CD244: variants seen among roughly 807,000 people sequenced by gnomAD.
CD244 encodes natural killer cell receptor 2B4.
A neutral mutation model predicts 45.5 loss-of-function variants in CD244; 20 were observed. That is an observed-to-expected ratio of 0.44 (90% CI 0.31 to 0.64). The LOEUF is 0.64. CD244 is among the 30% of genes least tolerant of loss of function. The pLI is 0.08. For synonymous variants in CD244, 185 were observed against 160.5 expected (o/e 1.15, Z -1.15); for missense variants, 407 against 426.9 (o/e 0.95, Z 0.41).
At chr1:160,861,595 G>A (rs188095320) in intron 1 of CD244, among the ~76,000 whole-genome samples, 28 of 152,218 alleles carry the variant, frequency 1.8e-4, no homozygotes, top group African/African-American at 6.5e-4. Flanking sequence ...CTTTGGATGG[G>A]GGAGACCAAG....
intron 1 of CD244, among the ~76,000 whole-genome samples, chr1:160,848,876 G>A (rs531904012): frequency 6.6e-6 from 1 of 152,014 alleles, no homozygotes; most frequent in Non-Finnish European, 1.5e-5. Context: ...TAATAGACCA[G>A]CAAACATAAA....
At chr1:160,842,232 G>A (rs771010750) in intron 1 of CD244, among the ~76,000 whole-genome samples, 1 of 152,002 alleles carries the variant, frequency 6.6e-6, no homozygotes, top group Non-Finnish European at 1.5e-5. Flanking sequence ...AGTCAGTTTG[G>A]TGTTATGTTT....
At chr1:160,858,432 G>A (rs1252183626) in intron 1 of CD244, among the ~76,000 whole-genome samples, 1 of 152,088 alleles carries the variant, frequency 6.6e-6, no homozygotes, top group Non-Finnish European at 1.5e-5. Flanking sequence ...TCTCAACTCA[G>A]GCTGTAAAGC....
At position 160,831,374 on chromosome 1, in the gene CD244, C is replaced by T. The variant is rs765273670; in HGVS notation, c.1071G>A (p.Glu357=). 3 of 1,614,080 alleles carry T rather than the reference C, an allele frequency of 1.9e-6. No homozygotes were observed. Among genetic ancestry groups the T allele is most frequent in the South Asian group, 1.1e-5 (1 of 91,076 alleles). Reference sequence around the variant, plus strand: ...AGGAATAAACATCAAAGTTCTCCAGCTCTTTGCGGCTCAATCGAGCAGGGT... The same window carrying T: ...AGGAATAAACATCAAAGTTCTCCAGTTCTTTGCGGCTCAATCGAGCAGGGT... The part of the protein sequence containing the change: ...AQNPARLSRK[E]LENFDVYS The change falls in exon 9 of 9, where the codon GAG becomes GAA. Residue 357 remains glutamate (E), a synonymous_variant. Coordinates refer to ENST00000368034, the MANE Select transcript of CD244 (RefSeq NM_016382.4).
At chr1:160,849,283 C>CTT (rs371170555) in intron 1 of CD244, among the ~76,000 whole-genome samples, 18 of 139,322 alleles carry the variant, frequency 1.3e-4, no homozygotes, top group African/African-American at 2.6e-4. Flanking sequence ...CCATCTCTTT[C>CTT]TTTTTTTTTT....
chr1:160,844,593 G>C (rs1158638346), intron 1 of CD244, among the ~76,000 whole-genome samples: 2 of 152,214 alleles, frequency 1.3e-5, no homozygotes, highest in Admixed American at 6.5e-5. Flanking sequence ...TCATCTGGCT[G>C]ACCTGTGAAC....
In CD244 at chr1:160,862,621, G is replaced by T; in HGVS notation, c.57C>A (p.Gly19=). ...ILLLLLKVYQ[G]KGCQGSADHV... Reference sequence around the variant, plus strand: ...CGCCAGGTAGGACCTCCTTACCTTTGCCCTGATACACCTTGAGGAGCAGGA... The same window carrying T: ...CGCCAGGTAGGACCTCCTTACCTTTTCCCTGATACACCTTGAGGAGCAGGA... Residue 19 remains glycine (G), a synonymous_variant, in exon 1 of 9, where the codon GGC becomes GGA. Coordinates refer to ENST00000368034, the MANE Select transcript of CD244 (RefSeq NM_016382.4). 2 of 1,613,860 alleles carry T rather than the reference G, an allele frequency of 1.2e-6. No individual in the cohort carries two copies. Among genetic ancestry groups the T allele is most frequent in the Non-Finnish European group, 1.7e-6 (2 of 1,179,836 alleles).
At chr1:160,861,583 C>A (rs1465181125) in intron 1 of CD244, among the ~76,000 whole-genome samples, 1 of 152,172 alleles carries the variant, frequency 6.6e-6, no homozygotes, top group African/African-American at 2.4e-5. Context: ...GTAATCCCAG[C>A]ACTTTGGATG....
Position 160,832,537 on chromosome 1 carries a change from A to G in CD244, c.999T>C (p.Asn333=), listed in dbSNP as rs766372037. 1.2e-5 allele frequency: 20 copies of G among 1,607,958 alleles called. No individual in the cohort carries two copies. The highest frequency in any genetic ancestry group is 1.6e-5 in the Non-Finnish European group (19 of 1,175,782). ...SRKRNHSPSF[N]STIYEVIGKS... ...ATCTTACCACTTCATAGATAGTGCT[A>G]TTGAAGGAAGGGCTGTGGTTCCTCT... Residue 333 remains asparagine (N), a synonymous_variant, in exon 8 of 9, where the codon AAT becomes AAC. Coordinates refer to ENST00000368034, the MANE Select transcript of CD244 (RefSeq NM_016382.4).
At chr1:160,845,259 A>T (rs1669690958) in intron 1 of CD244, among the ~76,000 whole-genome samples, 1 of 152,188 alleles carries the variant, frequency 6.6e-6, no homozygotes, top group African/African-American at 2.4e-5. Flanking sequence ...AAACAAACTC[A>T]ATTGAAAGGT....
intron 1 of CD244, among the ~76,000 whole-genome samples, chr1:160,845,506 A>G (rs2101878826): frequency 6.6e-6 from 1 of 152,330 alleles, no homozygotes; most frequent in Non-Finnish European, 1.5e-5. Flanking sequence ...CCCAAAACTG[A>G]CAAAAGCCAT....
intron 7 of CD244, chr1:160,832,864 G>A (rs1216915924): frequency 6.1e-6 from 2 of 329,714 alleles, no homozygotes; most frequent in Non-Finnish European, 1.2e-5. Context: ...ATATGTGTGT[G>A]TGTGTGTATA....
chr1:160,832,515 T>A lies in CD244; in HGVS notation c.1017+4A>T. The A allele has an allele frequency of 6.3e-7, 1 of 1,586,550 alleles. No individual in the cohort carries two copies. Among genetic ancestry groups the A allele is most frequent in the South Asian group, 1.1e-5 (1 of 89,196 alleles). On this transcript the variant is annotated splice_donor_region_variant and intron_variant, in intron 8 of 8. Transcript: ENST00000368034. ...AAACCCATTGAGGAGTTCCAGAATC[T>A]TACCACTTCATAGATAGTGCTATTG...
chr1:160,839,491 A>C (rs1033447549), intron 3 of CD244, among the ~76,000 whole-genome samples: 1 of 152,250 alleles, frequency 6.6e-6, no homozygotes, highest in African/African-American at 2.4e-5. Flanking sequence ...CAGAATATTC[A>C]GGGAAAAAAA....
intron 1 of CD244, among the ~76,000 whole-genome samples, chr1:160,856,170 C>T (rs1023997404): frequency 6.6e-6 from 1 of 152,126 alleles, no homozygotes; most frequent in Non-Finnish European, 1.5e-5. Context: ...AGTACTGGGG[C>T]AATCCAGCTC....
chr1:160,838,591 C>T, intron 4 of CD244, 73 bp from the exon 5 acceptor site: 2 of 1,032,914 alleles, frequency 1.9e-6, no homozygotes, highest in Non-Finnish European at 3.1e-6. Context: ...ACAGGTCCCA[C>T]CTCTACCCCA....
At chr1:160,854,133 G>A (rs1670020700) in intron 1 of CD244, among the ~76,000 whole-genome samples, 1 of 152,142 alleles carries the variant, frequency 6.6e-6, no homozygotes, top group South Asian at 2.1e-4. Context: ...TGGAACATGA[G>A]TTTAATTTTC....
At chr1:160,858,011 C>T (rs1243683683) in intron 1 of CD244, among the ~76,000 whole-genome samples, 1 of 151,666 alleles carries the variant, frequency 6.6e-6, no homozygotes, top group Non-Finnish European at 1.5e-5. Context: ...CACATCACTG[C>T]ACTCCAGCCT....
chr1:160,861,711 T>C (rs1331156369), intron 1 of CD244, among the ~76,000 whole-genome samples: 1 of 151,890 alleles, frequency 6.6e-6, no homozygotes, highest in East Asian at 1.9e-4. Flanking sequence ...GTGGCGCACG[T>C]CTGTAATTTC....
Sources: gnomAD v4.1 joint callset for allele counts (sites outside exome capture counted in the v4.1 genomes callset) on GRCh38, gnomAD v4.1.1 for gene constraint, MANE v1.5 for transcripts, NCBI Gene and HGNC (gene_info 2026-07-23, HGNC 2026-07-21) for gene names.